Variants in ARID4A observed in about 807,000 individuals in gnomAD.
The protein encoded by ARID4A is AT-rich interaction domain 4A, also known as AT-rich interactive domain-containing protein 4A.
A neutral mutation model predicts 148.6 loss-of-function variants in ARID4A; 39 were observed. The observed-to-expected ratio is 0.26, with a 90% CI of 0.20 to 0.34. ARID4A has a LOEUF of 0.34. Among genes scored for constraint, ARID4A ranks in the 10% least tolerant of loss-of-function variants. The pLI is 1.00. For synonymous variants in ARID4A, 475 were observed against 481.2 expected, an observed-to-expected ratio of 0.99 and a Z score of 0.17; for missense variants, 1,265 against 1,449.1, an observed-to-expected ratio of 0.87 and a Z score of 2.06.
At chr14:58,346,549 AAAGTT>A (rs762734939) in intron 13 of ARID4A, 44 bp downstream of exon 13, 54 of 1,341,584 alleles carry the variant, frequency 4.0e-5, no homozygotes, top group African/African-American at 3.2e-4. Context: ...GATGTGGTAA[AAAGTT>A]AAGTTATCTT....
intron 23 of ARID4A, among the ~76,000 whole-genome samples, chr14:58,369,614 CA>C (rs34289804): frequency 2.6e-4 from 28 of 106,898 alleles, no homozygotes; most frequent in African/African-American, 6.0e-4. Flanking sequence ...GAGTCTGTCT[CA>C]AAAAAAAAAA....
Position 58,347,530 on chromosome 14 carries a change from G to A in ARID4A, c.1173-117G>A, listed in dbSNP as rs2034430702. The A allele has an allele frequency of 3.5e-5, 26 of 738,196 alleles. No individual in the cohort carries two copies. The South Asian group carries it at 7.1e-4, about 20-fold the overall frequency. The allele number at this position is 738,196 out of a possible 1,614,324, so 45.7% of individuals were successfully genotyped here. On this transcript the variant is annotated intron_variant, in intron 14 of 23. Coordinates refer to ENST00000355431, the MANE Select transcript of ARID4A (RefSeq NM_002892.4). ...CAAGAAAATAGTAACACAGAAAAGA[G>A]TAACAAAAATTTTTTTAAATTACTG...
intron 11 of ARID4A, among the ~76,000 whole-genome samples, chr14:58,337,374 A>AT (rs1443983820): frequency 6.6e-6 from 1 of 150,558 alleles, no homozygotes; most frequent in African/African-American, 2.4e-5. Flanking sequence ...GGATCTCAGG[A>AT]TTTTTGTTTT....
rs565615597 is a variant in ARID4A, at chr14:58,298,660, G to A, written c.-98G>A. On this transcript the variant is annotated 5_prime_UTR_variant, in exon 1 of 24. Coordinates refer to ENST00000355431, the MANE Select transcript of ARID4A (RefSeq NM_002892.4). The stretch of plus-strand genomic sequence containing the variant: ...GGGGCCCACGGAGGTCAGAGGGGAG[G>A]AGGACTCTGGAGCTGACAGCGCGCA... 3.9e-5 allele frequency: 6 copies of A among 152,888 alleles called. No individual in the cohort carries two copies. Among genetic ancestry groups the A allele is most frequent in the African/African-American group, 1.4e-4 (6 of 41,568 alleles). 9.5% of individuals were successfully genotyped at this position (152,888 alleles called of 1,614,324 possible).
chr14:58,360,311 G>A (rs1324695350), intron 18 of ARID4A, among the ~76,000 whole-genome samples: 1 of 152,206 alleles, frequency 6.6e-6, no homozygotes, highest in Non-Finnish European at 1.5e-5. Flanking sequence ...CCACTCTGCT[G>A]TGGGAATGCA....
rs537449193 is a variant in ARID4A, at chr14:58,319,128, C to G, written c.449+323C>G. Among the ~76,000 whole-genome samples, 8 of 152,132 alleles carry G rather than the reference C, an allele frequency of 5.3e-5. No homozygotes were observed. In the East Asian group the frequency reaches 9.7e-4, roughly 18 times the overall value. ...AGGCTGGAGTGCAGTGGTGCAATCT[C>G]GGCTCACTGCAACCTCCGCCTCCTG... is the stretch of plus-strand genomic sequence containing the variant. On this transcript the variant is annotated intron_variant, in intron 7 of 23. Coordinates refer to ENST00000355431, the MANE Select transcript of ARID4A (RefSeq NM_002892.4).
At chr14:58,353,506 ATCT>A (rs886853403) in intron 16 of ARID4A, 149 bp from the exon 17 acceptor site, 5 of 652,806 alleles carry the variant, frequency 7.7e-6, no homozygotes, top group Non-Finnish European at 1.0e-5. Flanking sequence ...GGCCACAGAA[ATCT>A]TCTCCTTCTC....
chr14:58,352,520 T>C (rs933557600), intron 16 of ARID4A, among the ~76,000 whole-genome samples: 1 of 152,196 alleles, frequency 6.6e-6, no homozygotes, highest in Non-Finnish European at 1.5e-5. Flanking sequence ...CTTTTGTAAA[T>C]GGACAAAGAT....
chr14:58,363,394 A>G (rs1043114414), intron 19 of ARID4A, among the ~76,000 whole-genome samples: 55 of 152,226 alleles, frequency 3.6e-4, no homozygotes, highest in Middle Eastern at 3.4e-3. Context: ...GAGGATTCCA[A>G]TTGCCCATTT....
At position 58,318,818 on chromosome 14, in the gene ARID4A, A is replaced by G; in HGVS notation, c.449+13A>G. ...CTTCTCTTCCTGTGTGAGTTTTTTC[A>G]TATATGGTATCATTTTAATTACAAT... On this transcript the variant is annotated intron_variant, in intron 7 of 23. Coordinates refer to ENST00000355431, the MANE Select transcript of ARID4A (RefSeq NM_002892.4). 1.3e-6 allele frequency: 2 copies of G among 1,584,028 alleles called. No individual in the cohort carries two copies. The highest frequency in any genetic ancestry group is 1.7e-6 in the Non-Finnish European group (2 of 1,153,914).
At chr14:58,369,788 A>G (rs2035525547) in intron 23 of ARID4A, among the ~76,000 whole-genome samples, 1 of 152,148 alleles carries the variant, frequency 6.6e-6, no homozygotes, top group Non-Finnish European at 1.5e-5. Context: ...GGAATCCTAC[A>G]TAGGAAAATA....
chr14:58,319,402 T>C (rs1455919293), intron 7 of ARID4A, among the ~76,000 whole-genome samples: 1 of 151,988 alleles, frequency 6.6e-6, no homozygotes, highest in Non-Finnish European at 1.5e-5. Flanking sequence ...TTTTAATTGA[T>C]ATGATGATTT....
intron 15 of ARID4A, 132 bp downstream of exon 15, chr14:58,348,010 G>A: frequency 1.6e-6 from 1 of 628,814 alleles, no homozygotes; most frequent in Non-Finnish European, 2.6e-6. Context: ...TGCTTAGCTA[G>A]CTACTTTTTT....
chr14:58,343,158 A>G (rs754624945), intron 11 of ARID4A, among the ~76,000 whole-genome samples: 15 of 152,246 alleles, frequency 9.9e-5, no homozygotes, highest in Non-Finnish European at 1.6e-4. Flanking sequence ...CACATGGGGA[A>G]AAAACTGCCA....
chr14:58,340,253 C>T (rs762182597), intron 11 of ARID4A, among the ~76,000 whole-genome samples: 1 of 152,026 alleles, frequency 6.6e-6, no homozygotes, highest in African/African-American at 2.4e-5. Context: ...GGGACAGAGT[C>T]TCACTCGTTT....
At chr14:58,320,599 CTTTTTTTT>C (rs778275420) in intron 7 of ARID4A, among the ~76,000 whole-genome samples, 1 of 127,602 alleles carries the variant, frequency 7.8e-6, no homozygotes, top group East Asian at 2.2e-4. Flanking sequence ...ATGACATTGA[CTTTTTTTT>C]TTTTTTTTTT....
At chr14:58,323,757 G>A (rs2033048947) in intron 8 of ARID4A, 140 bp downstream of exon 8, 2 of 689,366 alleles carry the variant, frequency 2.9e-6, no homozygotes, top group African/African-American at 1.8e-5. Flanking sequence ...AATAATCATA[G>A]TCAGGTCCAT....
chr14:58,313,232 G>T (rs914984125), intron 5 of ARID4A, among the ~76,000 whole-genome samples: 2 of 152,208 alleles, frequency 1.3e-5, no homozygotes, highest in African/African-American at 4.8e-5. Flanking sequence ...TCTGAGAGCA[G>T]TGGTCCCCAG....
At chr14:58,302,154 T>C (rs546777457) in intron 3 of ARID4A, among the ~76,000 whole-genome samples, 44 of 152,116 alleles carry the variant, frequency 2.9e-4, no homozygotes, top group African/African-American at 1.0e-3. Context: ...GGCCAGGAGT[T>C]CAAGAGCAGC....
Sources: allele counts gnomAD v4.1 joint callset (sites outside exome capture counted in the v4.1 genomes callset), GRCh38; gene constraint gnomAD v4.1.1; transcripts MANE v1.5; gene names NCBI Gene and HGNC (gene_info 2026-07-23, HGNC 2026-07-21).